The following RERE variants were observed in gnomAD, a reference collection of about 807,000 sequenced individuals.
RERE encodes the protein arginine-glutamic acid dipeptide repeats protein.
Under a neutral mutation model 146.1 loss-of-function variants are expected in RERE, and 40 were observed. The ratio of observed to expected loss-of-function variants is 0.27; its 90% confidence interval spans 0.21 to 0.36. RERE has a LOEUF of 0.36. Ranked by LOEUF, RERE falls within the 10% of genes least tolerant of loss-of-function variation. The probability of loss-of-function intolerance (pLI) is 1.00; values close to 1 mark genes in which losing one functional copy is unlikely to be tolerated. For missense variants in RERE, 1,933 were observed against 2,138.7 expected (o/e 0.90, Z 1.90); for synonymous variants, 1,003 against 866.0 (o/e 1.16, Z -2.78).
chr1:8,448,812 G>C (rs1370349247), intron 11 of RERE, among the ~76,000 whole-genome samples: 1 of 151,342 alleles, frequency 6.6e-6, no homozygotes, highest in Non-Finnish European at 1.5e-5. Context: ...CTCGGTGACA[G>C]AGCAAGACTC....
intron 8 of RERE, among the ~76,000 whole-genome samples, chr1:8,500,877 TGAG>T (rs1159391201): frequency 5.3e-5 from 8 of 150,712 alleles, no homozygotes; most frequent in African/African-American, 1.7e-4. Flanking sequence ...GTCTGGGATG[TGAG>T]GAGCGCCTCT....
chr1:8,691,423 A>G (rs951001997), intron 1 of RERE, among the ~76,000 whole-genome samples: 1 of 152,200 alleles, frequency 6.6e-6, no homozygotes, highest in African/African-American at 2.4e-5. Context: ...ACACTGTTCC[A>G]CAAGTGTTCG....
At chr1:8,642,734 A>G (rs530851694) in intron 2 of RERE, among the ~76,000 whole-genome samples, 1 of 152,344 alleles carries the variant, frequency 6.6e-6, no homozygotes, top group Admixed American at 6.5e-5. Context: ...CAAATTGAAT[A>G]TCAATTTTTT....
chr1:8,514,016 C>T lies in RERE; in HGVS notation c.831-5341G>A, dbSNP rs1645377267. Among the ~76,000 whole-genome samples the T allele has an allele frequency of 2.0e-5, 3 of 152,166 alleles. No individual in the cohort carries two copies. In the South Asian group the frequency reaches 6.2e-4, roughly 32 times the overall value. ...GTTCTGCAGATCTTTCAAATATCAA[C>T]CAGTTCTTTATACAGCATTTTTTAA... is the stretch of plus-strand genomic sequence containing the variant. On this transcript the variant is annotated intron_variant, in intron 7 of 22. Transcript: ENST00000400908.
At chr1:8,800,810 CA>C (rs1641574835) in intron 1 of RERE, among the ~76,000 whole-genome samples, 1 of 151,918 alleles carries the variant, frequency 6.6e-6, no homozygotes, top group African/African-American at 2.4e-5. Context: ...ACTAAAAATA[CA>C]AAAATTAGCT....
intron 12 of RERE, among the ~76,000 whole-genome samples, chr1:8,422,246 A>G (rs535220357): frequency 6.6e-6 from 1 of 152,352 alleles, no homozygotes; most frequent in Non-Finnish European, 1.5e-5. Flanking sequence ...ATAGAATATT[A>G]AAGAGTTAAA....
At chr1:8,453,377 C>CA (rs1644411373) in intron 11 of RERE, among the ~76,000 whole-genome samples, 3 of 152,180 alleles carry the variant, frequency 2.0e-5, no homozygotes, top group Admixed American at 6.5e-5. Context: ...CTGATGAAAT[C>CA]AAGACTTCAA....
rs572211858 is a variant in RERE at position 8,774,415 on chromosome 1, G to A, written c.-145+42745C>T. ...GTTGCCCAGGCTGGAGTGCAATGGC[G>A]CGATCTCGGCTCACCCCAACCTCCG... On this transcript the variant is annotated intron_variant, in intron 1 of 22. Transcript: ENST00000400908. Among the ~76,000 whole-genome samples, 7 of 143,064 alleles carry A rather than the reference G, an allele frequency of 4.9e-5. No individual in the cohort carries two copies. In the East Asian group the frequency reaches 1.2e-3, roughly 25 times the overall value. 93.9% of individuals were successfully genotyped at this position (143,064 alleles called of 152,430 possible).
intron 1 of RERE, among the ~76,000 whole-genome samples, chr1:8,768,686 C>T (rs1640891087): frequency 6.6e-6 from 1 of 152,136 alleles, no homozygotes; most frequent in Non-Finnish European, 1.5e-5. Context: ...AGTTAGGTGT[C>T]CAAGAGTCCT....
chr1:8,770,934 G>T (rs1281239597), intron 1 of RERE, among the ~76,000 whole-genome samples: 2 of 152,072 alleles, frequency 1.3e-5, no homozygotes, highest in African/African-American at 2.4e-5. Flanking sequence ...TTTTCTTATG[G>T]AATACCTGTA....
intron 3 of RERE, among the ~76,000 whole-genome samples, 157 bp downstream of exon 3, chr1:8,624,153 A>G (rs897721999): frequency 6.6e-6 from 1 of 152,244 alleles, no homozygotes; most frequent in Non-Finnish European, 1.5e-5. Flanking sequence ...TGGAACTAGT[A>G]ACCCTCATTT....
intron 11 of RERE, among the ~76,000 whole-genome samples, chr1:8,427,637 TAAAA>T (rs33996085): frequency 2.0e-4 from 23 of 116,352 alleles, no homozygotes; most frequent in African/African-American, 4.3e-4. Flanking sequence ...GGCCCCACTT[TAAAA>T]AAAAAAAAAA....
At chr1:8,467,574 C>T (rs1644617013) in intron 10 of RERE, among the ~76,000 whole-genome samples, 1 of 152,234 alleles carries the variant, frequency 6.6e-6, no homozygotes, top group South Asian at 2.1e-4. Context: ...TGCTGAAACA[C>T]ACACTGCAAG....
chr1:8,794,748 C>T (rs1259632233), intron 1 of RERE, among the ~76,000 whole-genome samples: 1 of 151,448 alleles, frequency 6.6e-6, no homozygotes, highest in Non-Finnish European at 1.5e-5. Context: ...CAAAACAAAA[C>T]AAATAAAAAA....
At chr1:8,417,663 C>T (rs573843044) in intron 12 of RERE, among the ~76,000 whole-genome samples, 1 of 152,128 alleles carries the variant, frequency 6.6e-6, no homozygotes, top group African/African-American at 2.4e-5. Flanking sequence ...ATACATACTT[C>T]GGTAGCACAG....
In RERE at chr1:8,373,238, C is replaced by A. The variant is rs962525141; in HGVS notation, c.1285-7264G>T. On this transcript the variant is annotated intron_variant, in intron 12 of 22. Coordinates refer to ENST00000400908, the MANE Select transcript of RERE (RefSeq NM_001042681.2). ...CTAAACAAATATTTTAACATGAATA[C>A]AGAAGGAGCAGCTAAATAATCTCTA... 7.9e-5 allele frequency among the ~76,000 whole-genome samples: 12 copies of A among 152,178 alleles called. No homozygotes were observed. The South Asian group carries it at 1.9e-3, about 24-fold the overall frequency.
chr1:8,544,855 T>C (rs954342307), intron 6 of RERE, among the ~76,000 whole-genome samples: 6 of 152,182 alleles, frequency 3.9e-5, no homozygotes, highest in South Asian at 2.1e-4. Flanking sequence ...ACACTGAGTA[T>C]TGAGCAGAGC....
At chr1:8,729,324 A>T (rs1640037109) in intron 1 of RERE, among the ~76,000 whole-genome samples, 1 of 149,134 alleles carries the variant, frequency 6.7e-6, no homozygotes, top group Non-Finnish European at 1.5e-5. Flanking sequence ...CCCTGGTTTC[A>T]AGTGATTCTC....
intron 11 of RERE, among the ~76,000 whole-genome samples, chr1:8,452,504 T>C (rs994835763): frequency 1.3e-5 from 2 of 151,036 alleles, no homozygotes; most frequent in Non-Finnish European, 3.0e-5. Flanking sequence ...TACGCTCCCT[T>C]CCTTTTGTAC....
Sources: allele counts gnomAD v4.1 joint callset (sites outside exome capture counted in the v4.1 genomes callset), GRCh38; gene constraint gnomAD v4.1.1; transcripts MANE v1.5; gene names NCBI Gene and HGNC (gene_info 2026-07-23, HGNC 2026-07-21).